Variants in MYOT observed in about 807,000 individuals in gnomAD.
The protein encoded by MYOT is 57 kDa cytoskeletal protein.
A neutral mutation model predicts 58.0 loss-of-function variants in MYOT; 36 were observed. That is an observed-to-expected ratio of 0.62 (90% CI 0.48 to 0.82). The LOEUF is 0.82. Among genes scored for constraint, MYOT ranks in the 40% least tolerant of loss-of-function variants. The pLI is 0.00. For synonymous variants in MYOT, 218 were observed against 204.6 expected (o/e 1.07, Z -0.56); for missense variants, 505 against 592.1 (o/e 0.85, Z 1.53).
chr5:137,877,653 TA>T lies in MYOT; in HGVS notation c.633+33del, dbSNP rs1561660870. 2.1e-6 allele frequency: 3 copies of T among 1,422,504 alleles called. No homozygotes were observed. The African/African-American group carries it at 4.2e-5, about 20-fold the overall frequency. The allele number at this position is 1,422,504 out of a possible 1,614,324, so 88.1% of individuals were successfully genotyped here. A position where few individuals can be genotyped will look rare whatever the true frequency, so the allele number is the denominator to read the frequency against. On this transcript the variant is annotated intron_variant, in intron 4 of 9. Transcript: ENST00000239926. ...TAAAATGCTCTAAGTGGAGTATTTT[TA>T]TTCTGTGCGATTTTTAAATGTCTGC...
At chr5:137,880,950 G>A (rs374136468) in intron 5 of MYOT, 85 bp downstream of exon 5, 4 of 1,001,578 alleles carry the variant, frequency 4.0e-6, no homozygotes, top group African/African-American at 3.2e-5. Context: ...TAAAGCCCTC[G>A]AGCCTACTCT....
chr5:137,886,835 C>G lies in MYOT; in HGVS notation c.1191-29C>G, dbSNP rs1048577739. 4.8e-6 allele frequency: 7 copies of G among 1,466,358 alleles called. No individual in the cohort carries two copies. In the Admixed American group the frequency reaches 1.0e-4, roughly 21 times the overall value. The allele number at this position is 1,466,358 out of a possible 1,614,324, so 90.8% of individuals were successfully genotyped here. On this transcript the variant is annotated intron_variant, in intron 8 of 9. Coordinates refer to ENST00000239926, the MANE Select transcript of MYOT (RefSeq NM_006790.3). ...CCACTTCACAGAAATAATTCCTGTACTTTCATTTCTTAAAAATTTTTATTT... is the reference window on the plus strand; with the variant it reads ...CCACTTCACAGAAATAATTCCTGTAGTTTCATTTCTTAAAAATTTTTATTT...
At chr5:137,885,557 AG>A (rs1283379139) in intron 7 of MYOT, among the ~76,000 whole-genome samples, 1 of 152,032 alleles carries the variant, frequency 6.6e-6, no homozygotes, top group African/African-American at 2.4e-5. Flanking sequence ...AGATCACTTG[AG>A]GCCAGGAGTT....
At chr5:137,877,070 A>C (rs1249379768) in intron 3 of MYOT, among the ~76,000 whole-genome samples, 2 of 151,682 alleles carry the variant, frequency 1.3e-5, no homozygotes, top group Non-Finnish European at 2.9e-5. Flanking sequence ...AGACTTTAAA[A>C]AAAAAAAAAT....
chr5:137,883,204 T>C (rs1466393702), intron 6 of MYOT, 180 bp from the exon 7 acceptor site: 1 of 610,718 alleles, frequency 1.6e-6, no homozygotes, highest in African/African-American at 1.9e-5. Flanking sequence ...TATGTTAATT[T>C]CAAGGATCTT....
chr5:137,875,324 A>G (rs1253647220), intron 2 of MYOT, among the ~76,000 whole-genome samples: 1 of 152,194 alleles, frequency 6.6e-6, no homozygotes, highest in Non-Finnish European at 1.5e-5. Context: ...TGAAAACAAT[A>G]AACACTGGAG....
intron 4 of MYOT, 60 bp downstream of exon 4, chr5:137,877,681 T>A: frequency 8.3e-7 from 1 of 1,198,406 alleles, no homozygotes; most frequent in Non-Finnish European, 1.2e-6. Context: ...AATGTCTGCT[T>A]TTCTAAATGC....
Position 137,876,438 on chromosome 5 carries a change from A to G in MYOT, c.531+435A>G, listed in dbSNP as rs553743092. On this transcript the variant is annotated intron_variant, in intron 3 of 9. Transcript: ENST00000239926. ...ACAGTACTATATGCCTTTAATACAA[A>G]TACATTTAGCCTATCAGTTGGACTG... 4.6e-5 allele frequency among the ~76,000 whole-genome samples: 7 copies of G among 152,346 alleles called. No homozygotes were observed. In the South Asian group the frequency reaches 1.4e-3, roughly 32 times the overall value.
chr5:137,886,353 T>C (rs984196797), intron 8 of MYOT, 140 bp downstream of exon 8: 84 of 411,966 alleles, frequency 2.0e-4, no homozygotes, highest in Non-Finnish European at 2.5e-4. Context: ...ATAAAATATA[T>C]ATTAGATAAA....
At chr5:137,875,375 C>CT (rs779515767) in intron 2 of MYOT, among the ~76,000 whole-genome samples, 1 of 152,114 alleles carries the variant, frequency 6.6e-6, no homozygotes, top group Non-Finnish European at 1.5e-5. Flanking sequence ...GGTTCAAAAA[C>CT]TAACTATCAG....
chr5:137,887,553 T>C lies in MYOT; in HGVS notation c.*168T>C, dbSNP rs886759466. 1.0e-5 allele frequency: 4 copies of C among 398,162 alleles called. No individual in the cohort carries two copies. Among genetic ancestry groups the C allele is most frequent in the South Asian group, 1.3e-4 (2 of 15,938 alleles). The allele number at this position is 398,162 out of a possible 1,614,324, so 24.7% of individuals were successfully genotyped here. On this transcript the variant is annotated 3_prime_UTR_variant, in exon 10 of 10. Transcript: ENST00000239926. ...TATCCTTTGACTCTTGCACATTCTA[T>C]GTACCCCTCCGATTTGTGAAGCCTA...
intron 2 of MYOT, among the ~76,000 whole-genome samples, chr5:137,874,028 C>A (rs1006212839): frequency 4.6e-5 from 7 of 152,158 alleles, no homozygotes. Flanking sequence ...TTTTAATGAT[C>A]CTTGAGAATA....
intron 6 of MYOT, among the ~76,000 whole-genome samples, chr5:137,882,453 T>C (rs1205110974): frequency 2.2e-5 from 3 of 139,416 alleles, no homozygotes; most frequent in African/African-American, 5.5e-5. Flanking sequence ...TACAATGCCC[T>C]TTTTTTTTTT....
At chr5:137,881,914 T>C (rs1755444695) in intron 5 of MYOT, 59 bp from the exon 6 acceptor site, 2 of 1,589,704 alleles carry the variant, frequency 1.3e-6, no homozygotes, top group Admixed American at 1.7e-5. Flanking sequence ...ACTATATTTG[T>C]GCAAAATGAA....
chr5:137,870,820 A>T lies in MYOT; in HGVS notation c.169A>T (p.Thr57Ser). The change falls in exon 2 of 10, where the codon ACA (threonine) becomes TCA (serine). Residue 57 changes from threonine to serine, a missense_variant. Physicochemically the swap from Thr to Ser is moderately conservative, Grantham distance 58. Transcript: ENST00000239926. ...AGAGCAAAGATTTTCTGCCTCCTCA[A>T]CACTGAGCTCTCACATCACCATGTC... Reference protein sequence around the residue: ...CTEQRFSASSTLSSHITMSSS... With the variant: ...CTEQRFSASSSLSSHITMSSS... The T allele has an allele frequency of 6.2e-7, 1 of 1,614,132 alleles. No individual in the cohort carries two copies. Among genetic ancestry groups the T allele is most frequent in the African/African-American group, 1.3e-5 (1 of 75,026 alleles).
intron 4 of MYOT, among the ~76,000 whole-genome samples, chr5:137,879,012 T>C (rs77149296): frequency 1.1e-4 from 16 of 152,240 alleles, no homozygotes; most frequent in African/African-American, 2.2e-4. Context: ...GTTTTTTTTT[T>C]CCAACATCTA....
In MYOT at chr5:137,870,970, T is replaced by A; in HGVS notation, c.319T>A (p.Tyr107Asn). The A allele has an allele frequency of 6.2e-7, 1 of 1,614,192 alleles. No individual in the cohort carries two copies. Among genetic ancestry groups the A allele is most frequent in the Non-Finnish European group, 8.5e-7 (1 of 1,180,010 alleles). Reference protein sequence around the residue: ...LSSILPSQPDYNSSKIPSAMD... With the variant: ...LSSILPSQPDNNSSKIPSAMD... ...CTCCATATTACCATCACAGCCTGATTACAATAGCAGTAAAATCCCTTCCGC... is the reference window on the plus strand; with the variant it reads ...CTCCATATTACCATCACAGCCTGATAACAATAGCAGTAAAATCCCTTCCGC... Residue 107 changes from tyrosine to asparagine, a missense_variant, in exon 2 of 10, where the codon TAC becomes AAC. Tyr to Asn is a moderately radical substitution (Grantham distance 143, BLOSUM62 -2). Transcript: ENST00000239926.
chr5:137,873,455 A>G (rs1012742386), intron 2 of MYOT, among the ~76,000 whole-genome samples: 5 of 151,828 alleles, frequency 3.3e-5, no homozygotes, highest in Non-Finnish European at 7.4e-5. Context: ...AATCGCTTAA[A>G]CCCGGGAGAC....
intron 2 of MYOT, among the ~76,000 whole-genome samples, chr5:137,874,418 G>A (rs1755146019): frequency 1.3e-5 from 2 of 152,156 alleles, no homozygotes; most frequent in South Asian, 4.1e-4. Flanking sequence ...AGTGAGCCGA[G>A]ATCGCGCCAC....
Sources: allele counts gnomAD v4.1 joint callset (sites outside exome capture counted in the v4.1 genomes callset), GRCh38; gene constraint gnomAD v4.1.1; transcripts MANE v1.5; gene names NCBI Gene and HGNC (gene_info 2026-07-23, HGNC 2026-07-21).